The following DDR2 variants were observed in gnomAD, a reference collection of about 807,000 sequenced individuals.
DDR2 encodes the protein discoidin domain receptor tyrosine kinase 2, also known as discoidin domain-containing receptor 2.
In DDR2, 27 loss-of-function variants were observed where a neutral mutation model predicts 94.9. The observed-to-expected ratio is 0.28, with a 90% CI of 0.21 to 0.39. The LOEUF is 0.39. DDR2 is among the 10% of genes least tolerant of loss of function. DDR2 has a pLI of 1.00. For synonymous variants in DDR2, 382 were observed against 377.2 expected (o/e 1.01, Z -0.15); for missense variants, 783 against 1,076.0 (o/e 0.73, Z 3.81).
At position 162,740,420 on chromosome 1, in the gene DDR2, C is replaced by T. The variant is rs146200209; in HGVS notation, c.83-12675C>T. Among the ~76,000 whole-genome samples, 517 of 152,150 alleles carry T rather than the reference C, an allele frequency of 3.4e-3. 1 individual carries two copies. The highest frequency in any genetic ancestry group is 3.5e-3 in the Non-Finnish European group (235 of 67,998). On this transcript the variant is annotated intron_variant, in intron 3 of 17. Coordinates refer to ENST00000367921, the MANE Select transcript of DDR2 (RefSeq NM_006182.4). The stretch of plus-strand genomic sequence containing the variant: ...ACTGCCTCCTTGCTGTACCTCAAAC[C>T]ACCTCCACAACAAGCATGCTTTTTC...
intron 1 of DDR2, among the ~76,000 whole-genome samples, chr1:162,641,918 A>G (rs1255119321): frequency 1.3e-5 from 2 of 152,250 alleles, no homozygotes; most frequent in East Asian, 1.9e-4. Context: ...TATTGGGTCT[A>G]TATTATATAC....
At chr1:162,700,674 A>G (rs17486566) in intron 2 of DDR2, among the ~76,000 whole-genome samples, 18,890 of 152,130 alleles carry the variant, frequency 0.12, 1,249 homozygotes, top group East Asian at 0.2. Context: ...ATACATTGTA[A>G]CCAAAATTTT....
At chr1:162,712,212 A>T (rs985365388) in intron 2 of DDR2, among the ~76,000 whole-genome samples, 26 of 147,960 alleles carry the variant, frequency 1.8e-4, no homozygotes, top group Non-Finnish European at 7.4e-5. Flanking sequence ...TAGGATGCCC[A>T]CATATTCCTG....
chr1:162,770,175 A>G (rs1664193036), intron 11 of DDR2, 127 bp from the exon 12 acceptor site: 6 of 898,692 alleles, frequency 6.7e-6, no homozygotes, highest in Non-Finnish European at 3.7e-6. Context: ...TAGCACGTGC[A>G]GTGTTGCTGG....
In DDR2 at chr1:162,780,390, C is replaced by T; in HGVS notation, c.*144C>T. ...TTGCTTTGCCCTCTTTTCCTGGTCA[C>T]CCCCACTCCCTACCCCTGACTCATA... On this transcript the variant is annotated 3_prime_UTR_variant, in exon 18 of 18. Transcript: ENST00000367921. The T allele has an allele frequency of 3.3e-6, 4 of 1,215,216 alleles. No individual in the cohort carries two copies. Among genetic ancestry groups the T allele is most frequent in the Non-Finnish European group, 4.7e-6 (4 of 852,104 alleles). The allele number at this position is 1,215,216 out of a possible 1,614,324, so 75.3% of individuals were successfully genotyped here. A position where few individuals can be genotyped will look rare whatever the true frequency, so the allele number is the denominator to read the frequency against.
chr1:162,631,340 A>C (rs1329330521), upstream of DDR2: 1 of 151,982 alleles, frequency 6.6e-6, no homozygotes, highest in Non-Finnish European at 1.5e-5. Flanking sequence ...TTTCTTGCTC[A>C]TCTTGGAGAC....
chr1:162,684,092 C>T (rs949697051), intron 2 of DDR2, among the ~76,000 whole-genome samples: 1 of 152,172 alleles, frequency 6.6e-6, no homozygotes, highest in Non-Finnish European at 1.5e-5. Flanking sequence ...CACAAATACA[C>T]CTCTGTGTTG....
intron 1 of DDR2, among the ~76,000 whole-genome samples, chr1:162,640,486 T>C (rs1252737384): frequency 6.6e-6 from 1 of 152,220 alleles, no homozygotes; most frequent in Non-Finnish European, 1.5e-5. Context: ...ATCTGTACTT[T>C]CTGCTTAATT....
At chr1:162,634,522 T>A (rs1437680834) in intron 1 of DDR2, among the ~76,000 whole-genome samples, 2 of 152,192 alleles carry the variant, frequency 1.3e-5, no homozygotes, top group Non-Finnish European at 2.9e-5. Flanking sequence ...GTCTGGCAGT[T>A]GGTGCTGATG....
At chr1:162,639,754 C>T (rs1009786469) in intron 1 of DDR2, among the ~76,000 whole-genome samples, 4 of 152,158 alleles carry the variant, frequency 2.6e-5, no homozygotes, top group African/African-American at 4.8e-5. Context: ...GTTCAACTTA[C>T]GATTTTTCAA....
chr1:162,676,550 T>G (rs893174590), intron 2 of DDR2, among the ~76,000 whole-genome samples: 2 of 152,232 alleles, frequency 1.3e-5, no homozygotes, highest in African/African-American at 4.8e-5. Flanking sequence ...AGGCACACTT[T>G]TATAGCTTAT....
chr1:162,746,548 C>T lies in DDR2; in HGVS notation c.83-6547C>T, dbSNP rs567245758. ...GTAGACGCCACCTCTGTGGGCAGGG[C>T]GTAGCTGAACAAAAGGCAGCAGAAA... On this transcript the variant is annotated intron_variant, in intron 3 of 17. Coordinates refer to ENST00000367921, the MANE Select transcript of DDR2 (RefSeq NM_006182.4). Among the ~76,000 whole-genome samples the T allele has an allele frequency of 1.8e-4, 28 of 152,314 alleles. 1 individual carries two copies. The highest frequency in any genetic ancestry group is 6.2e-4 in the South Asian group (3 of 4,826).
rs185493937 is a variant in DDR2, at chr1:162,674,957, C to T, written c.-28+19583C>T. Among the ~76,000 whole-genome samples, 310 of 152,030 alleles carry T rather than the reference C, an allele frequency of 2.0e-3. 1 individual carries two copies. The highest frequency in any genetic ancestry group is 6.9e-3 in the African/African-American group (288 of 41,460). ...TCACCTGAGGTCAGGAATTTGAGAC[C>T]AGCCTGGCCAACATAGGGAAACCCT... On this transcript the variant is annotated intron_variant, in intron 2 of 17. Coordinates refer to ENST00000367921, the MANE Select transcript of DDR2 (RefSeq NM_006182.4).
chr1:162,748,736 A>G (rs1663019956), intron 3 of DDR2, among the ~76,000 whole-genome samples: 1 of 152,250 alleles, frequency 6.6e-6, no homozygotes, highest in Non-Finnish European at 1.5e-5. Context: ...TTATTCCAAA[A>G]TTGACCACAT....
chr1:162,641,024 A>G lies in DDR2; in HGVS notation c.-192+8393A>G, dbSNP rs568744078. 5.9e-5 allele frequency among the ~76,000 whole-genome samples: 9 copies of G among 152,244 alleles called. No individual in the cohort carries two copies. In the South Asian group the frequency reaches 6.2e-4, roughly 11 times the overall value. ...TCCCACCTTGGCTTCTCAAAATGCT[A>G]GTATTACAAACATGAGCCACTGGAC... On this transcript the variant is annotated intron_variant, in intron 1 of 17. Coordinates refer to ENST00000367921, the MANE Select transcript of DDR2 (RefSeq NM_006182.4).
intron 2 of DDR2, among the ~76,000 whole-genome samples, chr1:162,678,980 T>C (rs1313340064): frequency 1.3e-5 from 2 of 152,254 alleles, no homozygotes; most frequent in East Asian, 3.9e-4. Context: ...AACTCAGTTA[T>C]ATTTTTGACA....
At chr1:162,746,436 T>C (rs1662869717) in intron 3 of DDR2, among the ~76,000 whole-genome samples, 1 of 152,170 alleles carries the variant, frequency 6.6e-6, no homozygotes, top group South Asian at 2.1e-4. Flanking sequence ...CCTCTGCCAT[T>C]GCTGAGGCTT....
In DDR2 at chr1:162,692,857, A is replaced by G. The variant is rs370383493; in HGVS notation, c.-27-26180A>G. 5.2e-5 allele frequency among the ~76,000 whole-genome samples: 8 copies of G among 152,384 alleles called. No homozygotes were observed. In the East Asian group the frequency reaches 1.3e-3, roughly 26 times the overall value. On this transcript the variant is annotated intron_variant, in intron 2 of 17. Transcript: ENST00000367921. The stretch of plus-strand genomic sequence containing the variant: ...AATGAAAATGTATATCCATATGTTT[A>G]CCTAAAAGTATGTACTGGAATGTTG...
intron 2 of DDR2, among the ~76,000 whole-genome samples, chr1:162,676,124 G>A (rs1571182921): frequency 6.6e-6 from 1 of 151,802 alleles, no homozygotes; most frequent in African/African-American, 2.4e-5. Context: ...GTGTGGTAGT[G>A]CATTGGAACG....
Sources: gnomAD v4.1 joint callset for allele counts (sites outside exome capture counted in the v4.1 genomes callset) on GRCh38, gnomAD v4.1.1 for gene constraint, MANE v1.5 for transcripts, NCBI Gene and HGNC (gene_info 2026-07-23, HGNC 2026-07-21) for gene names.